Variants in TTC6 observed in about 807,000 individuals in gnomAD.
TTC6 encodes the protein tetratricopeptide repeat domain 6.
Under a neutral mutation model 210.4 loss-of-function variants are expected in TTC6, and 172 were observed. That is an observed-to-expected ratio of 0.82 (90% confidence interval 0.72 to 0.93). TTC6 has a LOEUF of 0.93. TTC6 is among the 40% of genes least tolerant of loss of function. The probability of loss-of-function intolerance (pLI) is 0.00; values close to 1 mark genes in which losing one functional copy is unlikely to be tolerated. For synonymous variants in TTC6, 804 were observed against 819.6 expected, an observed-to-expected ratio of 0.98 and a Z score of 0.32; for missense variants, 2,414 against 2,318.1, an observed-to-expected ratio of 1.04 and a Z score of -0.85.
intron 10 of TTC6, among the ~76,000 whole-genome samples, chr14:37,741,998 C>A (rs11845095): frequency 2.6e-5 from 4 of 151,960 alleles, no homozygotes; most frequent in Non-Finnish European, 5.9e-5. Context: ...CCCACAGTGA[C>A]CTCTTCCTAT....
chr14:37,738,437 A>T (rs2095908023), intron 9 of TTC6, among the ~76,000 whole-genome samples: 1 of 151,780 alleles, frequency 6.6e-6, no homozygotes, highest in South Asian at 2.1e-4. Context: ...TTTTTGCATT[A>T]AATATAAAAG....
At chr14:37,705,172 C>A (rs1336740772) in intron 5 of TTC6, among the ~76,000 whole-genome samples, 3 of 152,088 alleles carry the variant, frequency 2.0e-5, no homozygotes, top group Non-Finnish European at 4.4e-5. Context: ...CTATGAATCC[C>A]AGACTTAACC....
At position 37,686,869 on chromosome 14, in the gene TTC6, G is replaced by A. The variant is rs528143503; in HGVS notation, c.1257+3905G>A. On this transcript the variant is annotated intron_variant, in intron 3 of 30. Coordinates refer to ENST00000553443, the Ensembl canonical transcript of TTC6. ...TACAATTCAAGATGAGATTTGGGTGGGGACAAAGTCAAACCATATCAGATG... is the reference window on the plus strand; with the variant it reads ...TACAATTCAAGATGAGATTTGGGTGAGGACAAAGTCAAACCATATCAGATG... 2.0e-5 allele frequency among the ~76,000 whole-genome samples: 3 copies of A among 152,238 alleles called. No individual in the cohort carries two copies. In the East Asian group the frequency reaches 5.8e-4, roughly 29 times the overall value.
At chr14:37,650,734 CAG>C (rs1469791513) in intron 1 of TTC6, among the ~76,000 whole-genome samples, 5 of 152,222 alleles carry the variant, frequency 3.3e-5, no homozygotes, top group South Asian at 2.1e-4. Context: ...TAAATTGACT[CAG>C]AGATACTGTA....
intron 10 of TTC6, among the ~76,000 whole-genome samples, chr14:37,740,149 C>G (rs1489713855): frequency 8.1e-6 from 1 of 122,992 alleles, no homozygotes; most frequent in African/African-American, 2.9e-5. Flanking sequence ...GGCGACAGAG[C>G]GAGACTCCGT....
rs140710285 is a variant in TTC6, at chr14:37,840,587, C to T, written c.5299-858C>T. On this transcript the variant is annotated intron_variant, in intron 29 of 30. Coordinates refer to ENST00000553443, the Ensembl canonical transcript of TTC6. ...CCAATATCCCTGATGAACATAGATG[C>T]GACAATCCTCAATAAAATACTGGCA... Among the ~76,000 whole-genome samples, 29 of 152,146 alleles carry T rather than the reference C, an allele frequency of 1.9e-4. No individual in the cohort carries two copies. In the East Asian group the frequency reaches 4.3e-3, roughly 22 times the overall value.
intron 14 of TTC6, among the ~76,000 whole-genome samples, chr14:37,765,122 A>G (rs1357139466): frequency 6.6e-6 from 1 of 151,884 alleles, no homozygotes; most frequent in Non-Finnish European, 1.5e-5. Context: ...TTTGTCCCCA[A>G]CTTGATGTTG....
At chr14:37,838,234 G>A (rs931716727) in intron 29 of TTC6, among the ~76,000 whole-genome samples, 7 of 152,150 alleles carry the variant, frequency 4.6e-5, no homozygotes, top group African/African-American at 1.7e-4. Context: ...TATTTGTGGT[G>A]AAAGGCCAGT....
chr14:37,721,487 T>C (rs1384903501), intron 6 of TTC6, among the ~76,000 whole-genome samples: 1 of 152,150 alleles, frequency 6.6e-6, no homozygotes, highest in East Asian at 1.9e-4. Context: ...GCTCAGTTTT[T>C]TTCAGTGTCA....
chr14:37,693,987 C>G (rs931894490), intron 3 of TTC6, among the ~76,000 whole-genome samples: 21 of 127,774 alleles, frequency 1.6e-4, no homozygotes, highest in African/African-American at 5.3e-4. Context: ...CAAAAACAAA[C>G]AAACAAACAA....
chr14:37,805,116 T>A (rs1219602158), intron 21 of TTC6, among the ~76,000 whole-genome samples: 1 of 152,224 alleles, frequency 6.6e-6, no homozygotes, highest in Non-Finnish European at 1.5e-5. Flanking sequence ...CACAGTAGTA[T>A]GAGTTCACTT....
At chr14:37,709,228 A>C (rs1166725947) in intron 5 of TTC6, among the ~76,000 whole-genome samples, 1 of 152,050 alleles carries the variant, frequency 6.6e-6, no homozygotes, top group Non-Finnish European at 1.5e-5. Flanking sequence ...TTGGTGATAC[A>C]TGTCACAGAA....
chr14:37,783,217 T>C (rs1188443359), intron 14 of TTC6, among the ~76,000 whole-genome samples: 1 of 152,182 alleles, frequency 6.6e-6, no homozygotes, highest in Non-Finnish European at 1.5e-5. Flanking sequence ...CCAGCTCCTT[T>C]TTGTACCTCT....
At chr14:37,788,443 A>G (rs1036041778) in intron 15 of TTC6, among the ~76,000 whole-genome samples, 1 of 152,150 alleles carries the variant, frequency 6.6e-6, no homozygotes, top group African/African-American at 2.4e-5. Context: ...AGCTAAGGTG[A>G]TAGTTACTTG....
At chr14:37,746,026 T>G (rs1190001517) in intron 10 of TTC6, among the ~76,000 whole-genome samples, 1 of 152,216 alleles carries the variant, frequency 6.6e-6, no homozygotes, top group African/African-American at 2.4e-5. Flanking sequence ...TTATCTCATC[T>G]CTAAGCACCT....
chr14:37,638,295 C>A lies in TTC6; in HGVS notation c.939+15292C>A, dbSNP rs177849. 1.4e-3 allele frequency among the ~76,000 whole-genome samples: 209 copies of A among 152,164 alleles called. 1 individual carries two copies. The highest frequency in any genetic ancestry group is 4.8e-3 in the African/African-American group (201 of 41,516). ...TTTGAGATGGATTCTTGCTCTGCCG[C>A]CCAGGCTGGAATGCAGTGGTGTGGT... On this transcript the variant is annotated intron_variant, in intron 1 of 30. Transcript: ENST00000553443.
At chr14:37,771,403 C>A (rs1172819143) in intron 14 of TTC6, among the ~76,000 whole-genome samples, 2 of 152,096 alleles carry the variant, frequency 1.3e-5, no homozygotes, top group Admixed American at 6.6e-5. Flanking sequence ...GAGTGTTTTC[C>A]AACTTGGTTC....
intron 1 of TTC6, among the ~76,000 whole-genome samples, chr14:37,645,206 C>T (rs1020029240): frequency 6.6e-6 from 1 of 152,118 alleles, no homozygotes; most frequent in African/African-American, 2.4e-5. Flanking sequence ...GGAAAAATTT[C>T]TTCAAATGAA....
At chr14:37,682,679 T>G in intron 2 of TTC6, 79 bp from the exon 5 acceptor site, 1 of 1,195,926 alleles carries the variant, frequency 8.4e-7, no homozygotes, top group Non-Finnish European at 1.2e-6. Context: ...TCTTGTCAGA[T>G]AGAAACTGTT....
Sources: allele counts gnomAD v4.1 joint callset (sites outside exome capture counted in the v4.1 genomes callset), GRCh38; gene constraint gnomAD v4.1.1; transcripts MANE v1.5; gene names NCBI Gene and HGNC (gene_info 2026-07-23, HGNC 2026-07-21).